Variants in RBFOX1 observed in about 807,000 individuals in gnomAD.
RBFOX1 encodes the protein RNA binding fox-1 homolog 1.
RBFOX1 carries 8 observed loss-of-function variants against 57.7 expected under a neutral mutation model. The observed-to-expected ratio is 0.14, with a 90% confidence interval of 0.08 to 0.25. The LOEUF (loss-of-function observed/expected upper bound fraction) is 0.25, where lower values mean the gene tolerates loss of function less well. Ranked by LOEUF, RBFOX1 falls within the 10% of genes least tolerant of loss-of-function variation. The probability of loss-of-function intolerance (pLI) is 1.00; values close to 1 mark genes in which losing one functional copy is unlikely to be tolerated. For missense variants in RBFOX1, 611 were observed against 548.5 expected (o/e 1.11, Z -1.14); for synonymous variants, 326 against 222.4 (o/e 1.47, Z -4.15).
chr16:6,698,153 C>T (rs181304864), intron 3 of RBFOX1, among the ~76,000 whole-genome samples: 2 of 152,298 alleles, frequency 1.3e-5, no homozygotes, highest in Admixed American at 6.5e-5. Context: ...CAGAAATCCA[C>T]TTATATTTCT....
intron 1 of RBFOX1, among the ~76,000 whole-genome samples, chr16:5,277,510 T>C (rs2063170761): frequency 6.6e-6 from 1 of 152,098 alleles, no homozygotes; most frequent in Non-Finnish European, 1.5e-5. Context: ...AAACACTAGA[T>C]CTTATTCCTT....
intron 1 of RBFOX1, among the ~76,000 whole-genome samples, chr16:6,241,186 G>A (rs1437583540): frequency 6.6e-6 from 1 of 152,258 alleles, no homozygotes; most frequent in East Asian, 1.9e-4. Flanking sequence ...AAAAATAAGC[G>A]AAATATGCAA....
intron 3 of RBFOX1, among the ~76,000 whole-genome samples, chr16:6,965,859 A>G (rs566900446): frequency 6.7e-6 from 1 of 150,008 alleles, no homozygotes; most frequent in South Asian, 2.2e-4. Context: ...GGATAAGGAA[A>G]CTGAGGCATG....
Position 7,560,414 on chromosome 16 carries a change from C to G in RBFOX1, c.271-19363C>G, listed in dbSNP as rs73486625. ...CAATGAGAAACTGACAAAAGGTGGG[C>G]TTGAATTCAAGTCTCCTAAATGAAA... On this transcript the variant is annotated intron_variant, in intron 5 of 15. Coordinates refer to ENST00000550418, the MANE Select transcript of RBFOX1 (RefSeq NM_018723.4). 4.4e-5 allele frequency among the ~76,000 whole-genome samples: 6 copies of G among 136,268 alleles called. No homozygotes were observed. The East Asian group carries it at 1.3e-3, about 30-fold the overall frequency. 89.4% of individuals were successfully genotyped at this position (136,268 alleles called of 152,430 possible).
At chr16:7,497,195 A>G (rs775230652) in intron 4 of RBFOX1, among the ~76,000 whole-genome samples, 1 of 152,136 alleles carries the variant, frequency 6.6e-6, no homozygotes, top group Non-Finnish European at 1.5e-5. Context: ...TCATTTTCTG[A>G]TTCTCTTCCT....
intron 2 of RBFOX1, among the ~76,000 whole-genome samples, chr16:6,579,129 A>T (rs532400799): frequency 6.6e-6 from 1 of 152,262 alleles, no homozygotes; most frequent in South Asian, 2.1e-4. Context: ...TTTTGGTTCT[A>T]CCTAGAGAAA....
intron 9 of RBFOX1, among the ~76,000 whole-genome samples, chr16:7,603,438 A>G (rs2095141439): frequency 6.6e-6 from 1 of 152,208 alleles, no homozygotes. Flanking sequence ...CAAGCAAAGA[A>G]AGAAAGAAGC....
rs144339405 is a variant in RBFOX1, at chr16:5,833,088, A to T, written c.319-34215A>T. 1.4e-3 allele frequency among the ~76,000 whole-genome samples: 219 copies of T among 152,300 alleles called. 5 individuals carry two copies. In the East Asian group the frequency reaches 0.028, roughly 20 times the overall value. On this transcript the variant is annotated intron_variant, in intron 3 of 19. Transcript: ENST00000641259. The stretch of plus-strand genomic sequence containing the variant: ...GATTTCTATGGTACAGTACAGGACA[A>T]TGCAAGGGTCTGGGTAAGAACCCCA...
Sources: allele counts gnomAD v4.1 joint callset (sites outside exome capture counted in the v4.1 genomes callset), GRCh38; gene constraint gnomAD v4.1.1; transcripts MANE v1.5; gene names NCBI Gene and HGNC (gene_info 2026-07-23, HGNC 2026-07-21).